Variants in TAB2 observed in about 807,000 individuals in gnomAD.
The protein encoded by TAB2 is TGF-beta activated kinase 1 (MAP3K7) binding protein 2.
Under a neutral mutation model 65.0 loss-of-function variants are expected in TAB2, and 3 were observed. The ratio of observed to expected loss-of-function variants is 0.05; its 90% CI spans 0.02 to 0.12. The LOEUF is 0.12. Among genes scored for constraint, TAB2 ranks in the 10% least tolerant of loss-of-function variants. The pLI, the probability that TAB2 is intolerant of heterozygous loss-of-function variation, is 1.00. For synonymous variants in TAB2, 298 were observed against 285.1 expected (o/e 1.05, Z -0.46); for missense variants, 623 against 840.3 (o/e 0.74, Z 3.20).
At chr6:149,269,802 C>T (rs1303629273) in intron 1 of TAB2, among the ~76,000 whole-genome samples, 1 of 152,150 alleles carries the variant, frequency 6.6e-6, no homozygotes, top group Non-Finnish European at 1.5e-5. Context: ...AAGTAGTATT[C>T]AACTACATGA....
intron 1 of TAB2, among the ~76,000 whole-genome samples, chr6:149,269,293 T>C (rs1027144141): frequency 1.3e-5 from 2 of 152,182 alleles, no homozygotes; most frequent in Non-Finnish European, 2.9e-5. Flanking sequence ...TTTCTCCTAT[T>C]TGACGTGGTA....
chr6:149,275,252 G>GAAAGAAAA (rs1778443092), intron 1 of TAB2, among the ~76,000 whole-genome samples: 1 of 135,252 alleles, frequency 7.4e-6, no homozygotes, highest in East Asian at 2.2e-4. Context: ...AAGAAAGAAA[G>GAAAGAAAA]AAAGAAAGAA....
upstream of TAB2, among the ~76,000 whole-genome samples, chr6:149,315,424 G>T (rs547201495): frequency 7.2e-5 from 11 of 152,154 alleles, no homozygotes; most frequent in South Asian, 6.2e-4. Flanking sequence ...TTTCTGAACC[G>T]TTTGGGAGAA....
chr6:149,310,922 G>A (rs1779156076), intron 1 of TAB2, among the ~76,000 whole-genome samples: 1 of 152,068 alleles, frequency 6.6e-6, no homozygotes, highest in South Asian at 2.1e-4. Context: ...ATCTACCATG[G>A]AAATTGATCT....
intron 6 of TAB2, among the ~76,000 whole-genome samples, chr6:149,402,209 AAAGG>A (rs1782451794): frequency 6.6e-6 from 1 of 152,050 alleles, no homozygotes; most frequent in Non-Finnish European, 1.5e-5. Context: ...ATTGAGAAAA[AAAGG>A]AGACAAAATC....
At chr6:149,252,350 A>C (rs1217858319) in intron 1 of TAB2, among the ~76,000 whole-genome samples, 3 of 150,912 alleles carry the variant, frequency 2.0e-5, no homozygotes, top group Non-Finnish European at 4.4e-5. Context: ...CCATGAGCTG[A>C]GATCACGCCA....
At chr6:149,343,738 A>G (rs1422889929) in intron 1 of TAB2, among the ~76,000 whole-genome samples, 1 of 152,234 alleles carries the variant, frequency 6.6e-6, no homozygotes, top group Admixed American at 6.5e-5. Context: ...ATTTTAACCA[A>G]GAGAAAGCTA....
At chr6:149,400,471 G>C in intron 6 of TAB2, 1 of 1,614,240 alleles carries the variant, frequency 6.2e-7, no homozygotes, top group East Asian at 2.2e-5. Flanking sequence ...GGACAGGATG[G>C]TTCTGTGGTG....
chr6:149,224,430 G>A (rs60916218), intron 1 of TAB2, among the ~76,000 whole-genome samples: 9,013 of 152,128 alleles, frequency 0.059, 456 homozygotes, highest in South Asian at 0.14. Context: ...GATTTTTCCC[G>A]TAACTCTTCC....
At chr6:149,339,949 A>T (rs1372794934) in intron 1 of TAB2, among the ~76,000 whole-genome samples, 1 of 152,166 alleles carries the variant, frequency 6.6e-6, no homozygotes, top group African/African-American at 2.4e-5. Flanking sequence ...ATATAAATGT[A>T]GGCATTTACT....
intron 1 of TAB2, among the ~76,000 whole-genome samples, chr6:149,333,791 G>A (rs1779854758): frequency 6.6e-6 from 1 of 150,912 alleles, no homozygotes; most frequent in African/African-American, 2.4e-5. Context: ...TTAGTCCATG[G>A]CAAATTAGTA....
At chr6:149,404,439 T>A (rs537387920) in intron 6 of TAB2, among the ~76,000 whole-genome samples, 34 of 152,256 alleles carry the variant, frequency 2.2e-4, no homozygotes, top group African/African-American at 8.2e-4. Context: ...GAAAAAAATC[T>A]AAAATTATAT....
At chr6:149,230,660 T>C (rs1479580188) in intron 1 of TAB2, among the ~76,000 whole-genome samples, 3 of 152,196 alleles carry the variant, frequency 2.0e-5, no homozygotes, top group Non-Finnish European at 2.9e-5. Context: ...AATAAGCTCA[T>C]TGACAGTTCT....
intron 1 of TAB2, among the ~76,000 whole-genome samples, chr6:149,233,331 T>C (rs144889518): frequency 1.3e-4 from 20 of 152,258 alleles, no homozygotes; most frequent in South Asian, 6.2e-4. Flanking sequence ...GAGACGCCTC[T>C]ACTGTAGGCC....
In TAB2 at chr6:149,403,494, A is replaced by G. The variant is rs1304067972; in HGVS notation, c.1939+4310A>G. 2.0e-5 allele frequency among the ~76,000 whole-genome samples: 3 copies of G among 151,700 alleles called. No homozygotes were observed. In the East Asian group the frequency reaches 5.8e-4, roughly 29 times the overall value. Reference sequence around the variant, plus strand: ...AAGATCTGGCACAAGCAAGGGTGCCATTCTTGCCACTTATTTTCAACGTAG... The same window carrying G: ...AAGATCTGGCACAAGCAAGGGTGCCGTTCTTGCCACTTATTTTCAACGTAG... On this transcript the variant is annotated intron_variant, in intron 6 of 6. Transcript: ENST00000637181.
chr6:149,348,366 G>A (rs1780370432), intron 1 of TAB2, among the ~76,000 whole-genome samples: 2 of 151,890 alleles, frequency 1.3e-5, no homozygotes. Flanking sequence ...TCCAACCTGG[G>A]TGACAGAACA....
At chr6:149,226,468 ACTG>A (rs1423205571) in intron 1 of TAB2, among the ~76,000 whole-genome samples, 1 of 152,208 alleles carries the variant, frequency 6.6e-6, no homozygotes, top group African/African-American at 2.4e-5. Context: ...CTCCGCAGAT[ACTG>A]CTGTGTGATG....
chr6:149,338,938 G>A (rs1780016052), intron 1 of TAB2, among the ~76,000 whole-genome samples: 1 of 152,216 alleles, frequency 6.6e-6, no homozygotes, highest in Admixed American at 6.5e-5. Context: ...TAATTGTTCA[G>A]CAGCAATGGG....
At chr6:149,220,106 T>C (rs1004341072) in intron 1 of TAB2, among the ~76,000 whole-genome samples, 2 of 152,244 alleles carry the variant, frequency 1.3e-5, no homozygotes, top group African/African-American at 4.8e-5. Flanking sequence ...AAATCTCTAA[T>C]GGTTGACTTA....
Sources: gnomAD v4.1 joint callset for allele counts (sites outside exome capture counted in the v4.1 genomes callset) on GRCh38, gnomAD v4.1.1 for gene constraint, MANE v1.5 for transcripts, NCBI Gene and HGNC (gene_info 2026-07-23, HGNC 2026-07-21) for gene names.